NBN: variants seen among roughly 807,000 people sequenced by gnomAD.
NBN encodes the protein nibrin.
A neutral mutation model predicts 90.8 loss-of-function variants in NBN; 88 were observed. The observed-to-expected ratio is 0.97, with a 90% CI of 0.82 to 1.16. The LOEUF (loss-of-function observed/expected upper bound fraction) is 1.16, where lower values mean the gene tolerates loss of function less well. Among genes scored for constraint, NBN ranks in the 50% most tolerant of loss-of-function variants. NBN has a pLI of 0.00. For missense variants in NBN, 894 were observed against 869.6 expected (o/e 1.03, Z -0.35); for synonymous variants, 328 against 295.1 (o/e 1.11, Z -1.14).
Position 89,981,634 on chromosome 8 carries a change from G to A in NBN, c.172-111C>T, listed in dbSNP as rs181189122. 776 of 1,078,340 alleles carry A rather than the reference G, an allele frequency of 7.2e-4. 6 individuals are homozygous for A. Among genetic ancestry groups the A allele is most frequent in the South Asian group, 3.7e-3 (269 of 72,130 alleles). The allele number at this position is 1,078,340 out of a possible 1,614,324, so 66.8% of individuals were successfully genotyped here. ...AGGCAGGTGGCTAACCTCCCAACAC[G>A]GCAGACAACAATTACTGCTTCGGTT... On this transcript the variant is annotated intron_variant, in intron 2 of 15. Coordinates refer to ENST00000265433, the MANE Select transcript of NBN (RefSeq NM_002485.5).
At position 89,962,219 on chromosome 8, in the gene NBN, C is replaced by T. The variant is rs192117512; in HGVS notation, c.994+2191G>A. On this transcript the variant is annotated intron_variant, in intron 8 of 15. Transcript: ENST00000265433. ...ATCCCAGAATGTTCTGAATCATGGA[C>T]AATGTACGTTTGTATTCAGAATTGT... Among the ~76,000 whole-genome samples, 94 of 152,082 alleles carry T rather than the reference C, an allele frequency of 6.2e-4. No individual in the cohort carries two copies. Among genetic ancestry groups the T allele is most frequent in the Admixed American group, 3.8e-3 (58 of 15,252 alleles).
intron 8 of NBN, 22 bp downstream of exon 8, chr8:89,964,388 A>C (rs372938156): frequency 1.9e-6 from 3 of 1,613,016 alleles, no homozygotes; most frequent in Non-Finnish European, 2.5e-6. Context: ...CTAACGAATC[A>C]ATAAAATAAT....
At chr8:89,971,014 A>G (rs1811488263) in intron 6 of NBN, among the ~76,000 whole-genome samples, 159 bp downstream of exon 6, 1 of 152,198 alleles carries the variant, frequency 6.6e-6, no homozygotes, top group South Asian at 2.1e-4. Context: ...CACAGCCATG[A>G]TCACTGGGCA....
chr8:89,939,975 C>T (rs955198587), intron 14 of NBN, among the ~76,000 whole-genome samples: 3 of 152,192 alleles, frequency 2.0e-5, no homozygotes, highest in Admixed American at 2.0e-4. Context: ...GATTCAATGT[C>T]TTCAGACAAC....
intron 9 of NBN, among the ~76,000 whole-genome samples, chr8:89,958,219 G>T (rs1032525243): frequency 6.6e-6 from 1 of 152,184 alleles, no homozygotes; most frequent in Non-Finnish European, 1.5e-5. Flanking sequence ...AGCTTTGCTA[G>T]CTTGCCCGCT....
intron 8 of NBN, among the ~76,000 whole-genome samples, chr8:89,963,808 T>C (rs1811112973): frequency 6.6e-6 from 1 of 152,242 alleles, no homozygotes; most frequent in Non-Finnish European, 1.5e-5. Flanking sequence ...TGTTCATTTT[T>C]CTGCATCTCT....
intron 9 of NBN, among the ~76,000 whole-genome samples, chr8:89,958,195 G>A (rs969463881): frequency 8.5e-5 from 13 of 152,170 alleles, no homozygotes; most frequent in African/African-American, 2.4e-4. Flanking sequence ...GGGAGCAGCT[G>A]CAAATAAAGA....
chr8:89,968,218 C>T (rs1339192953), intron 7 of NBN, among the ~76,000 whole-genome samples: 3 of 152,068 alleles, frequency 2.0e-5, no homozygotes, highest in African/African-American at 7.2e-5. Context: ...AAGATCACAC[C>T]ATTGCACTCC....
At chr8:89,979,369 T>C (rs1811940993) in intron 4 of NBN, among the ~76,000 whole-genome samples, 1 of 152,228 alleles carries the variant, frequency 6.6e-6, no homozygotes, top group African/African-American at 2.4e-5. Context: ...ACCTGAAAGA[T>C]ACCACTTTCC....
rs779430868 is a variant in NBN at position 89,971,293 on chromosome 8, G to A, written c.585-3C>T. 6.2e-7 allele frequency: 1 copy of A among 1,608,092 alleles called. No homozygotes were observed. The highest frequency in any genetic ancestry group is 8.5e-7 in the Non-Finnish European group (1 of 1,176,154). On this transcript the variant is annotated splice_region_variant and splice_polypyrimidine_tract_variant and intron_variant, in intron 5 of 15. Transcript: ENST00000265433. ...GTTCATCAAGAGGTGGGTAAAAACT[G>A]TAAAAATAATTAAAGTATATTCTAA...
intron 10 of NBN, among the ~76,000 whole-genome samples, chr8:89,954,933 A>G (rs1305233336): frequency 6.6e-6 from 1 of 152,200 alleles, no homozygotes; most frequent in African/African-American, 2.4e-5. Flanking sequence ...AAATATGGAA[A>G]TTGAGAAAAT....
intron 7 of NBN, among the ~76,000 whole-genome samples, chr8:89,966,998 A>AT (rs1321426622): frequency 6.6e-6 from 1 of 152,208 alleles, no homozygotes; most frequent in African/African-American, 2.4e-5. Flanking sequence ...AACAGAAAAG[A>AT]TTTTTACTAT....
rs764356392 is a variant in NBN, at chr8:89,984,522, T to C, written c.37+3A>G. 15 of 1,612,650 alleles carry C rather than the reference T, an allele frequency of 9.3e-6. No homozygotes were observed. The South Asian group carries it at 1.1e-4, about 12-fold the overall frequency. On this transcript the variant is annotated splice_donor_region_variant and intron_variant, in intron 1 of 15. Transcript: ENST00000265433. ...GGCCCCGAGGCTTCCCTTCTGCCCT[T>C]ACCTCCTGCCGGGCCCGCGGCGGGC...
intron 8 of NBN, among the ~76,000 whole-genome samples, chr8:89,959,904 T>C (rs554005372): frequency 5.9e-5 from 9 of 152,184 alleles, no homozygotes; most frequent in Non-Finnish European, 1.0e-4. Context: ...AAATAGCCCC[T>C]AGAAAAATGC....
At chr8:89,964,342 C>A (rs1036487950) in intron 8 of NBN, 68 bp downstream of exon 8, 16 of 1,538,360 alleles carry the variant, frequency 1.0e-5, no homozygotes, top group Middle Eastern at 1.7e-4. Context: ...ATATGAGTAA[C>A]GTATATTTAG....
chr8:89,953,220 C>T (rs1448711585), intron 11 of NBN, 24 bp downstream of exon 11: 9 of 1,501,372 alleles, frequency 6.0e-6, no homozygotes, highest in Non-Finnish European at 7.4e-6. Flanking sequence ...ATGTACTATA[C>T]CTCTCATTTA....
intron 8 of NBN, among the ~76,000 whole-genome samples, chr8:89,962,997 C>G (rs560369560): frequency 9.9e-5 from 15 of 152,210 alleles, no homozygotes; most frequent in African/African-American, 3.4e-4. Context: ...CCTCTCTGTC[C>G]GTCAGTTCCC....
At chr8:89,984,126 A>T in intron 1 of NBN, 1 of 318,780 alleles carries the variant, frequency 3.1e-6, no homozygotes, top group Non-Finnish European at 6.0e-6. Context: ...GTAGTTCTTC[A>T]CAAGTCATGT....
chr8:89,936,102 T>C (rs1809664716), intron 15 of NBN: 2 of 398,732 alleles, frequency 5.0e-6, no homozygotes, highest in Non-Finnish European at 4.9e-6. Context: ...TTTTTTTTTT[T>C]TTTTTGAGAT....
Sources: allele counts gnomAD v4.1 joint callset (sites outside exome capture counted in the v4.1 genomes callset), GRCh38; gene constraint gnomAD v4.1.1; transcripts MANE v1.5; gene names NCBI Gene and HGNC (gene_info 2026-07-23, HGNC 2026-07-21).